CCDC88C: variants seen among roughly 807,000 people sequenced by gnomAD.
CCDC88C encodes the protein protein Daple.
CCDC88C carries 131 observed loss-of-function variants against 198.8 expected under a neutral mutation model. The ratio of observed to expected loss-of-function variants is 0.66; its 90% CI spans 0.57 to 0.76. CCDC88C has a LOEUF of 0.76. CCDC88C is among the 30% of genes least tolerant of loss of function. The pLI, the probability that CCDC88C is intolerant of heterozygous loss-of-function variation, is 0.00. For missense variants in CCDC88C, 2,553 were observed against 2,631.6 expected (o/e 0.97, Z 0.65); for synonymous variants, 1,166 against 1,114.7 (o/e 1.05, Z -0.92).
At chr14:91,315,373 C>A (rs1036783024) in intron 14 of CCDC88C, among the ~76,000 whole-genome samples, 1 of 152,146 alleles carries the variant, frequency 6.6e-6, no homozygotes, top group African/African-American at 2.4e-5. Context: ...TTGGCCTCCA[C>A]CCACTCCATG....
chr14:91,338,211 G>A lies in CCDC88C; in HGVS notation c.892-48C>T. The A allele has an allele frequency of 6.2e-7, 1 of 1,600,008 alleles. No individual in the cohort carries two copies. The highest frequency in any genetic ancestry group is 8.5e-7 in the Non-Finnish European group (1 of 1,170,890). The stretch of plus-strand genomic sequence containing the variant: ...AGAACCTAGCTTAGGGCATCCTCTA[G>A]GAAGGGCAGAAAGGCCATTGCCCTT... On this transcript the variant is annotated intron_variant, in intron 9 of 29. Transcript: ENST00000389857. The surrounding 1 kb of genome is among the most constrained non-coding windows in gnomAD (Gnocchi z 4.8).
At chr14:91,384,261 AC>A in intron 3 of CCDC88C, 2 of 348,188 alleles carry the variant, frequency 5.7e-6, no homozygotes, top group Non-Finnish European at 1.1e-5. Context: ...ACATAGCGAG[AC>A]CCCCATCTCT....
intron 21 of CCDC88C, among the ~76,000 whole-genome samples, chr14:91,298,544 A>AAT (rs71301956): frequency 6.6e-6 from 1 of 151,886 alleles, no homozygotes; most frequent in East Asian, 1.9e-4. Flanking sequence ...AAAAAAAAAA[A>AAT]TTTAGTGGCC....
At chr14:91,404,735 G>A (rs926116530) in intron 3 of CCDC88C, among the ~76,000 whole-genome samples, 7 of 152,056 alleles carry the variant, frequency 4.6e-5, no homozygotes, top group East Asian at 1.9e-4. Context: ...AGGCTGAGGC[G>A]GGTGGATCAT....
At chr14:91,308,293 G>A (rs1417189932) in intron 17 of CCDC88C, 58 bp downstream of exon 17, 10 of 1,600,282 alleles carry the variant, frequency 6.2e-6, no homozygotes, top group Non-Finnish European at 6.8e-6. Context: ...GTGAGGGGCT[G>A]GAAAGGGTGA....
intron 25 of CCDC88C, among the ~76,000 whole-genome samples, chr14:91,286,723 C>T (rs892966168): frequency 1.3e-5 from 2 of 152,200 alleles, no homozygotes; most frequent in Non-Finnish European, 2.9e-5. Flanking sequence ...GGCTCTTGTT[C>T]GGCATCTTCA....
In CCDC88C at chr14:91,288,437, G is replaced by A. The variant is rs1052132262; in HGVS notation, c.4441+668C>T. Among the ~76,000 whole-genome samples the A allele has an allele frequency of 2.6e-5, 4 of 152,192 alleles. No individual in the cohort carries two copies. Among genetic ancestry groups the A allele is most frequent in the African/African-American group, 9.6e-5 (4 of 41,452 alleles). ...GGGAGGTCTTATATACATGGAGAACGTGTTGAGTGCACCTGGGATCTCCCT... is the reference window on the plus strand; with the variant it reads ...GGGAGGTCTTATATACATGGAGAACATGTTGAGTGCACCTGGGATCTCCCT... On this transcript the variant is annotated intron_variant, in intron 25 of 29. Coordinates refer to ENST00000389857, the MANE Select transcript of CCDC88C (RefSeq NM_001080414.4). The surrounding 1 kb of genome is among the most constrained non-coding windows in gnomAD (Gnocchi z 4.2).
At chr14:91,372,082 T>A (rs1015692796) in intron 3 of CCDC88C, among the ~76,000 whole-genome samples, 2 of 151,996 alleles carry the variant, frequency 1.3e-5, no homozygotes, top group African/African-American at 2.4e-5. Context: ...TTGTCCAGTG[T>A]CCCAGGGCAG....
intron 3 of CCDC88C, 98 bp downstream of exon 3, chr14:91,408,561 A>G (rs760614900): frequency 9.0e-6 from 7 of 774,084 alleles, no homozygotes; most frequent in African/African-American, 3.4e-5. Flanking sequence ...AGGCCTAAAC[A>G]TAAGCACCGT....
In CCDC88C at chr14:91,339,216, ACAC is replaced by A; in HGVS notation, c.809+59_809+61del. 6.3e-7 allele frequency: 1 copy of A among 1,581,260 alleles called. No homozygotes were observed. The highest frequency in any genetic ancestry group is 8.6e-7 in the Non-Finnish European group (1 of 1,159,758). ...TTGGCAGCACCACACATGTGAGTCG[ACAC>A]CACACCAGAAACATGTCTGCAACAC... On this transcript the variant is annotated intron_variant, in intron 8 of 29. Coordinates refer to ENST00000389857, the MANE Select transcript of CCDC88C (RefSeq NM_001080414.4). The surrounding 1 kb of genome is among the most constrained non-coding windows in gnomAD (Gnocchi z 5.8).
intron 13 of CCDC88C, 79 bp from the exon 14 acceptor site, chr14:91,315,866 A>T: frequency 6.8e-7 from 1 of 1,481,068 alleles, no homozygotes. Flanking sequence ...AACAGAAACC[A>T]CCCCAACAGA....
chr14:91,303,865 C>T lies in CCDC88C; in HGVS notation c.3471G>A (p.Gln1157=), dbSNP rs1401241274. ...ETENESLQRQ[Q]EQLTAAYEAL... ...CCTCGTAGGCCGCTGTAAGTTGCTC[C>T]TGCTGCCTCTGCAGGCTTTCGTTCT... The change falls in exon 20 of 30, where the codon CAG becomes CAA. Residue 1157 remains glutamine, a synonymous_variant. Coordinates refer to ENST00000389857, the MANE Select transcript of CCDC88C (RefSeq NM_001080414.4). 6.2e-7 allele frequency: 1 copy of T among 1,613,268 alleles called. No individual in the cohort carries two copies. Among genetic ancestry groups the T allele is most frequent in the Non-Finnish European group, 8.5e-7 (1 of 1,179,896 alleles).
rs1038769474 is a variant in CCDC88C, at chr14:91,280,663, C to T, written c.4699+794G>A. Among the ~76,000 whole-genome samples the T allele has an allele frequency of 5.3e-5, 8 of 152,264 alleles. No homozygotes were observed. The East Asian group carries it at 5.8e-4, about 11-fold the overall frequency. ...AAGTTCCTATGGTTAGCTGACTGATCGCAAATCTGGCTGCTCAGGGAGATG... is the reference window on the plus strand; with the variant it reads ...AAGTTCCTATGGTTAGCTGACTGATTGCAAATCTGGCTGCTCAGGGAGATG... On this transcript the variant is annotated intron_variant, in intron 27 of 29. Transcript: ENST00000389857.
intron 3 of CCDC88C, among the ~76,000 whole-genome samples, chr14:91,392,539 C>T (rs1338126630): frequency 6.6e-6 from 1 of 152,134 alleles, no homozygotes. Flanking sequence ...AGTGGCTTTG[C>T]CTTTAGAAAT....
intron 3 of CCDC88C, chr14:91,408,434 AT>A: frequency 3.9e-6 from 2 of 513,564 alleles, no homozygotes; most frequent in South Asian, 4.0e-5. Context: ...ATATAGCACG[AT>A]GCTACACACA....
At chr14:91,278,918 T>TTTTGC (rs1890084415) in intron 28 of CCDC88C, among the ~76,000 whole-genome samples, 1 of 128,526 alleles carries the variant, frequency 7.8e-6, no homozygotes, top group Admixed American at 7.7e-5. Flanking sequence ...TTTTTTTTTC[T>TTTTGC]GAGATAGGGT....
intron 23 of CCDC88C, among the ~76,000 whole-genome samples, chr14:91,292,963 A>T (rs1157152343): frequency 6.6e-6 from 1 of 150,808 alleles, no homozygotes; most frequent in Non-Finnish European, 1.5e-5. Context: ...CTCCTTTTCC[A>T]GCCTTCTCTC....
At chr14:91,409,527 G>A (rs1490641834) in intron 2 of CCDC88C, among the ~76,000 whole-genome samples, 1 of 135,830 alleles carries the variant, frequency 7.4e-6, no homozygotes, top group Non-Finnish European at 1.6e-5. Context: ...TTGCTCTTTT[G>A]CCCAGACTGG....
At chr14:91,277,796 T>A in intron 29 of CCDC88C, 126 bp downstream of exon 29, 1 of 1,098,150 alleles carries the variant, frequency 9.1e-7, no homozygotes, top group Non-Finnish European at 1.2e-6. Context: ...CAGCCTCTCA[T>A]GTCCAAGCCA....
Sources: gnomAD v4.1 joint callset for allele counts (sites outside exome capture counted in the v4.1 genomes callset) on GRCh38, gnomAD v4.1.1 for gene constraint, Gnocchi (gnomAD v3.1) non-coding constraint, MANE v1.5 for transcripts, NCBI Gene and HGNC (gene_info 2026-07-23, HGNC 2026-07-21) for gene names.